The following PCDHGA5 variants were observed in gnomAD, a reference collection of about 807,000 sequenced individuals.
The protein encoded by PCDHGA5 is protocadherin gamma subfamily A, 5, also known as protocadherin gamma-A5.
Under a neutral mutation model 56.7 loss-of-function variants are expected in PCDHGA5, and 36 were observed. The ratio of observed to expected loss-of-function variants is 0.64; its 90% CI spans 0.49 to 0.84. The LOEUF (loss-of-function observed/expected upper bound fraction) is 0.84, where lower values mean the gene tolerates loss of function less well. Among genes scored for constraint, PCDHGA5 ranks in the 40% least tolerant of loss-of-function variants. The pLI is 0.00. For synonymous variants in PCDHGA5, 563 were observed against 520.2 expected (o/e 1.08, Z -1.12); for missense variants, 1,305 against 1,201.5 (o/e 1.09, Z -1.27).
chr5:141,403,581 T>C (rs2094427540), intron 1 of PCDHGA5: 8 of 1,613,936 alleles, frequency 5.0e-6, no homozygotes, highest in Non-Finnish European at 6.8e-6. Flanking sequence ...GCCCACCACC[T>C]GGTCCTCACG....
rs2149875174 is a variant in PCDHGA5, at chr5:141,365,346, A to C, written c.1016A>C (p.Asp339Ala). The change falls in exon 1 of 4, where the codon GAC (aspartate) becomes GCC (alanine). Residue 339 changes from aspartate to alanine, a missense_variant. Physicochemically the swap from Asp to Ala is moderately radical, Grantham distance 126 (BLOSUM62 -2). Coordinates refer to ENST00000518069, the MANE Select transcript of PCDHGA5 (RefSeq NM_018918.3). ...ASAKVVVTVQ[D>A]VNDNAPEVIL... is the part of the protein sequence containing the mutation. ...GCTAAGGTGGTGGTCACAGTACAGG[A>C]CGTGAATGACAATGCCCCCGAAGTG... 6.2e-7 allele frequency: 1 copy of C among 1,613,970 alleles called. No homozygotes were observed. Among genetic ancestry groups the C allele is most frequent in the East Asian group, 2.2e-5 (1 of 44,862 alleles).
chr5:141,413,077 G>A (rs2095603422), intron 1 of PCDHGA5: 1 of 1,287,542 alleles, frequency 7.8e-7, no homozygotes, highest in African/African-American at 1.5e-5. Context: ...AAGTGCCCAG[G>A]CTACAGAGAC....
chr5:141,438,347 C>T (rs150878327), intron 1 of PCDHGA5, among the ~76,000 whole-genome samples: 7 of 151,730 alleles, frequency 4.6e-5, no homozygotes, highest in Non-Finnish European at 2.9e-5. Flanking sequence ...TAAGGATCTA[C>T]TCTGTGTATT....
Position 141,432,701 on chromosome 5 carries a change from G to A in PCDHGA5, c.2422-62106G>A, listed in dbSNP as rs200101512. ...GCAGAGCCTCGTAGTGGCCGTCCAG[G>A]ACCACGGCCAGCCCCCTCTCTCCGC... On this transcript the variant is annotated intron_variant, in intron 1 of 3. Coordinates refer to ENST00000518069, the MANE Select transcript of PCDHGA5 (RefSeq NM_018918.3). This position sits in a 1 kb window ranked among gnomAD's most constrained non-coding sequence, Gnocchi z 6.0. The A allele has an allele frequency of 2.7e-5, 44 of 1,613,842 alleles. No homozygotes were observed. The Admixed American group carries it at 5.3e-4, about 20-fold the overall frequency.
At position 141,486,092 on chromosome 5, in the gene PCDHGA5, C is replaced by T. The variant is rs2099624294; in HGVS notation, c.2422-8715C>T. The T allele has an allele frequency of 3.7e-6, 6 of 1,614,148 alleles. No homozygotes were observed. In the East Asian group the frequency reaches 1.3e-4, roughly 36 times the overall value. On this transcript the variant is annotated intron_variant, in intron 1 of 3. Coordinates refer to ENST00000518069, the MANE Select transcript of PCDHGA5 (RefSeq NM_018918.3). This position sits in a 1 kb window ranked among gnomAD's most constrained non-coding sequence, Gnocchi z 5.0. Reference sequence around the variant, plus strand: ...TACTGGAAAGCTTACTCTTTTGGGGCCCCTAGACTTTGAGAGTGAGAATTA... The same window carrying T: ...TACTGGAAAGCTTACTCTTTTGGGGTCCCTAGACTTTGAGAGTGAGAATTA...
intron 1 of PCDHGA5, chr5:141,414,584 C>G (rs1359132446): frequency 3.1e-6 from 5 of 1,613,956 alleles, no homozygotes; most frequent in Non-Finnish European, 4.2e-6. Context: ...GAGAACAACG[C>G]CAGGGGTGCC....
rs190955361 is a variant in PCDHGA5, at chr5:141,486,090, G to A, written c.2422-8717G>A. On this transcript the variant is annotated intron_variant, in intron 1 of 3. Transcript: ENST00000518069. The surrounding 1 kb of genome is among the most constrained non-coding windows in gnomAD (Gnocchi z 5.0). ...ACTACTGGAAAGCTTACTCTTTTGG[G>A]GCCCCTAGACTTTGAGAGTGAGAAT... 3 of 1,614,086 alleles carry A rather than the reference G, an allele frequency of 1.9e-6. No homozygotes were observed. The highest frequency in any genetic ancestry group is 1.6e-4 in the Middle Eastern group (1 of 6,062).
chr5:141,476,206 C>A lies in PCDHGA5; in HGVS notation c.2422-18601C>A. On this transcript the variant is annotated intron_variant, in intron 1 of 3. Transcript: ENST00000518069. This position sits in a 1 kb window ranked among gnomAD's most constrained non-coding sequence, Gnocchi z 7.6. ...TGCTTGGTGCCTTGAACAAGGCTTC[C>A]ACGGTCATTCACTATGAGATCCCGG... 1 of 1,613,930 alleles carries A rather than the reference C, an allele frequency of 6.2e-7. No individual in the cohort carries two copies. The highest frequency in any genetic ancestry group is 1.7e-5 in the Admixed American group (1 of 60,004).
chr5:141,398,345 C>T (rs1442407908), intron 1 of PCDHGA5: 29 of 1,379,896 alleles, frequency 2.1e-5, no homozygotes, highest in Non-Finnish European at 2.8e-5. Context: ...TCGGAGAAGC[C>T]TTACTTCACC....
Position 141,489,216 on chromosome 5 carries a change from C to G in PCDHGA5, c.2422-5591C>G. The G allele has an allele frequency of 6.7e-7, 1 of 1,486,698 alleles. No individual in the cohort carries two copies. Among genetic ancestry groups the G allele is most frequent in the Non-Finnish European group, 9.1e-7 (1 of 1,103,260 alleles). 92.1% of individuals were successfully genotyped at this position (1,486,698 alleles called of 1,614,324 possible). ...TTGGAGACAGGACAGCACAGACTTA[C>G]TCTCCACAAAGGGACTTCTGGGTCA... On this transcript the variant is annotated intron_variant, in intron 1 of 3. Transcript: ENST00000518069. This position sits in a 1 kb window ranked among gnomAD's most constrained non-coding sequence, Gnocchi z 4.5.
chr5:141,418,264 A>C, intron 1 of PCDHGA5: 1 of 1,614,082 alleles, frequency 6.2e-7, no homozygotes, highest in Non-Finnish European at 8.5e-7. Flanking sequence ...AATTCCGGAA[A>C]GATGAAATAA....
At chr5:141,404,949 A>G in intron 1 of PCDHGA5, 1 of 1,613,834 alleles carries the variant, frequency 6.2e-7, no homozygotes, top group Non-Finnish European at 8.5e-7. Flanking sequence ...GCCATAGCTG[A>G]CAGCATCCCA....
intron 2 of PCDHGA5, among the ~76,000 whole-genome samples, chr5:141,499,686 T>G (rs1400567357): frequency 1.3e-5 from 2 of 149,346 alleles, no homozygotes; most frequent in Non-Finnish European, 3.0e-5. Flanking sequence ...CTTTAACAGA[T>G]GACTTTTTTT....
intron 1 of PCDHGA5, among the ~76,000 whole-genome samples, chr5:141,450,335 T>A (rs1054670037): frequency 1.3e-5 from 2 of 152,158 alleles, no homozygotes; most frequent in African/African-American, 4.8e-5. Context: ...CTCTTTAATC[T>A]ACTTTAATCT....
chr5:141,375,100 T>A lies in PCDHGA5; in HGVS notation c.2421+8349T>A, dbSNP rs921904476. 5 of 1,613,834 alleles carry A rather than the reference T, an allele frequency of 3.1e-6. No individual in the cohort carries two copies. The African/African-American group carries it at 6.7e-5, about 22-fold the overall frequency. On this transcript the variant is annotated intron_variant, in intron 1 of 3. Transcript: ENST00000518069. The stretch of plus-strand genomic sequence containing the variant: ...CGAAAGTCTTAATAACTATCTTGGA[T>A]GTCAATGATAATGTACCAGAAGTGG...
chr5:141,397,695 C>T lies in PCDHGA5; in HGVS notation c.2421+30944C>T, dbSNP rs146807025. ...AATGTATGCAGGTTTGTATAAAAAC[C>T]CAACGTGATATTTCTAACAATTTGG... On this transcript the variant is annotated intron_variant, in intron 1 of 3. Coordinates refer to ENST00000518069, the MANE Select transcript of PCDHGA5 (RefSeq NM_018918.3). 1.4e-3 allele frequency among the ~76,000 whole-genome samples: 211 copies of T among 152,210 alleles called. 1 individual carries two copies. Among genetic ancestry groups the T allele is most frequent in the African/African-American group, 4.7e-3 (197 of 41,534 alleles).
intron 1 of PCDHGA5, chr5:141,399,141 C>T (rs778835051): frequency 1.9e-6 from 3 of 1,613,660 alleles, no homozygotes; most frequent in African/African-American, 1.3e-5. Flanking sequence ...ATGAAAATGA[C>T]AATAGCCCAG....
chr5:141,411,910 C>T (rs1248743908), intron 1 of PCDHGA5: 2 of 152,164 alleles, frequency 1.3e-5, no homozygotes, highest in East Asian at 1.9e-4. Context: ...TGCCTTTGCA[C>T]TCAGTCTCTG....
At chr5:141,393,730 G>A in intron 1 of PCDHGA5, 1 of 1,613,842 alleles carries the variant, frequency 6.2e-7, no homozygotes, top group Non-Finnish European at 8.5e-7. Context: ...ATAGCAAAAA[G>A]TCTAGATTAT....
Sources: allele counts gnomAD v4.1 joint callset (sites outside exome capture counted in the v4.1 genomes callset), GRCh38; gene constraint gnomAD v4.1.1; non-coding constraint Gnocchi (gnomAD v3.1); transcripts MANE v1.5; gene names NCBI Gene and HGNC (gene_info 2026-07-23, HGNC 2026-07-21).